KCNH8: variants seen among roughly 807,000 people sequenced by gnomAD.
KCNH8 encodes potassium voltage-gated channel subfamily H member 8.
KCNH8 carries 70 observed loss-of-function variants against 103.6 expected under a neutral mutation model. The ratio of observed to expected loss-of-function variants is 0.68; its 90% CI spans 0.56 to 0.82. The LOEUF (loss-of-function observed/expected upper bound fraction) is 0.82, where lower values mean the gene tolerates loss of function less well. Ranked by LOEUF, KCNH8 falls within the 40% of genes least tolerant of loss-of-function variation. The pLI, the probability that KCNH8 is intolerant of heterozygous loss-of-function variation, is 0.00. For synonymous variants in KCNH8, 498 were observed against 489.4 expected (o/e 1.02, Z -0.23); for missense variants, 1,217 against 1,329.9 (o/e 0.92, Z 1.32).
At chr3:19,516,059 G>A (rs936240794) in intron 14 of KCNH8, among the ~76,000 whole-genome samples, 2 of 152,004 alleles carry the variant, frequency 1.3e-5, no homozygotes, top group African/African-American at 4.8e-5. Context: ...CTCTAAAGAA[G>A]ACACACCTGT....
intron 2 of KCNH8, among the ~76,000 whole-genome samples, chr3:19,257,410 G>T (rs1213343536): frequency 6.6e-6 from 1 of 151,960 alleles, no homozygotes; most frequent in Non-Finnish European, 1.5e-5. Flanking sequence ...TATCCTTCAA[G>T]CTGAGATGGA....
intron 1 of KCNH8, among the ~76,000 whole-genome samples, chr3:19,150,876 A>T (rs1282898758): frequency 6.6e-6 from 1 of 152,150 alleles, no homozygotes; most frequent in Non-Finnish European, 1.5e-5. Context: ...ACAATCAGAG[A>T]AGCAAATTTG....
At chr3:19,384,222 G>A (rs1315454684) in intron 5 of KCNH8, among the ~76,000 whole-genome samples, 1 of 152,206 alleles carries the variant, frequency 6.6e-6, no homozygotes, top group Non-Finnish European at 1.5e-5. Flanking sequence ...ATCACAGATA[G>A]TGTGTATTTT....
At chr3:19,219,764 A>T (rs2063854075) in intron 1 of KCNH8, among the ~76,000 whole-genome samples, 1 of 152,174 alleles carries the variant, frequency 6.6e-6, no homozygotes, top group Non-Finnish European at 1.5e-5. Context: ...TCTTCCAGAG[A>T]TGAGAGAGGC....
chr3:19,367,766 A>G (rs1409756719), intron 5 of KCNH8, among the ~76,000 whole-genome samples: 2 of 151,958 alleles, frequency 1.3e-5, no homozygotes, highest in Admixed American at 6.6e-5. Flanking sequence ...TAAACAGCAC[A>G]GCCTACTTTA....
intron 3 of KCNH8, among the ~76,000 whole-genome samples, chr3:19,297,722 A>G (rs1296417986): frequency 6.6e-6 from 1 of 152,202 alleles, no homozygotes; most frequent in African/African-American, 2.4e-5. Context: ...GAAAAGGGCT[A>G]GAAGGTATCT....
intron 11 of KCNH8, among the ~76,000 whole-genome samples, chr3:19,468,676 G>A (rs746232925): frequency 1.3e-5 from 2 of 152,136 alleles, no homozygotes; most frequent in African/African-American, 4.8e-5. Flanking sequence ...TCAAATCTCA[G>A]CTAATGTGCC....
intron 1 of KCNH8, among the ~76,000 whole-genome samples, chr3:19,226,056 C>T (rs1472188895): frequency 6.6e-6 from 1 of 152,106 alleles, no homozygotes; most frequent in Non-Finnish European, 1.5e-5. Context: ...TCTTCTTGAC[C>T]ATATGGGGCT....
Position 19,347,753 on chromosome 3 carries a change from C to T in KCNH8, c.599C>T (p.Pro200Leu), listed in dbSNP as rs554521309. Residue 200 changes from proline to leucine, a missense_variant, in exon 5 of 16, where the codon CCG becomes CTG. By Grantham distance (98) the Pro-to-Leu change is moderately conservative (BLOSUM62 -3). Around this residue, in one of 3 missense-constraint regions of KCNH8, gnomAD observed 244 missense variants for 256.8 expected, o/e 0.95. Transcript: ENST00000328405. ...NNVFVDKPAFPEYKVSDAKKS... is the reference protein window; with the variant it reads ...NNVFVDKPAFLEYKVSDAKKS... Reference sequence around the variant, plus strand: ...GTTTTTGTAGATAAACCAGCATTTCCGGAGTATAAAGTTTCTGATGCAAAA... The same window carrying T: ...GTTTTTGTAGATAAACCAGCATTTCTGGAGTATAAAGTTTCTGATGCAAAA... 5.0e-6 allele frequency: 8 copies of T among 1,612,990 alleles called. No homozygotes were observed. The highest frequency in any genetic ancestry group is 1.1e-5 in the South Asian group (1 of 91,054).
At chr3:19,260,929 T>C (rs2064425847) in intron 2 of KCNH8, among the ~76,000 whole-genome samples, 1 of 148,758 alleles carries the variant, frequency 6.7e-6, no homozygotes, top group South Asian at 2.1e-4. Flanking sequence ...TTGTGACAAA[T>C]GGCAGGATCT....
intron 4 of KCNH8, chr3:19,346,594 C>G (rs748803199): frequency 2.2e-6 from 1 of 455,960 alleles, no homozygotes; most frequent in Admixed American, 2.4e-5. Context: ...CAATCACTGA[C>G]AGTCACCACT....
At chr3:19,375,901 T>C (rs1175705992) in intron 5 of KCNH8, among the ~76,000 whole-genome samples, 1 of 152,188 alleles carries the variant, frequency 6.6e-6, no homozygotes, top group East Asian at 1.9e-4. Flanking sequence ...GGGGGGTGCC[T>C]CCCAGTTAGG....
At chr3:19,280,773 G>C (rs997023777) in intron 2 of KCNH8, among the ~76,000 whole-genome samples, 2 of 152,002 alleles carry the variant, frequency 1.3e-5, no homozygotes, top group Non-Finnish European at 2.9e-5. Flanking sequence ...TGTTGGGCAA[G>C]CTTTGATTTT....
intron 1 of KCNH8, among the ~76,000 whole-genome samples, chr3:19,204,324 C>T (rs539876625): frequency 6.6e-6 from 1 of 152,014 alleles, no homozygotes; most frequent in East Asian, 1.9e-4. Context: ...TTAGAGGTGG[C>T]TGGATAAGAA....
chr3:19,390,852 C>T (rs1209996358), intron 6 of KCNH8, among the ~76,000 whole-genome samples: 1 of 152,062 alleles, frequency 6.6e-6, no homozygotes, highest in Non-Finnish European at 1.5e-5. Flanking sequence ...TTTTTCAATA[C>T]CTGGAGCCAG....
chr3:19,419,196 T>C (rs1347109674), intron 7 of KCNH8, among the ~76,000 whole-genome samples: 2 of 126,148 alleles, frequency 1.6e-5, no homozygotes, highest in African/African-American at 6.7e-5. Context: ...ATGGTTTTGG[T>C]TTTTTTTTTT....
At chr3:19,190,208 G>C (rs1231204394) in intron 1 of KCNH8, among the ~76,000 whole-genome samples, 1 of 151,752 alleles carries the variant, frequency 6.6e-6, no homozygotes, top group African/African-American at 2.4e-5. Flanking sequence ...TAAATGATTT[G>C]TTTCATTTTT....
chr3:19,399,506 T>C (rs960320382), intron 7 of KCNH8, among the ~76,000 whole-genome samples: 1 of 151,818 alleles, frequency 6.6e-6, no homozygotes, highest in Non-Finnish European at 1.5e-5. Context: ...GCTTCAGGAA[T>C]GTGATTTTGA....
chr3:19,506,871 TCA>T (rs1162107697), intron 11 of KCNH8, among the ~76,000 whole-genome samples: 1 of 151,780 alleles, frequency 6.6e-6, no homozygotes, highest in Non-Finnish European at 1.5e-5. Flanking sequence ...GGTACATAGG[TCA>T]CAGAGTAGAC....
Sources: allele counts gnomAD v4.1 joint callset (sites outside exome capture counted in the v4.1 genomes callset), GRCh38; gene constraint gnomAD v4.1.1; regional missense constraint gnomAD v4.1.1; transcripts MANE v1.5; gene names NCBI Gene and HGNC (gene_info 2026-07-23, HGNC 2026-07-21).